KIF3A: variants seen among roughly 807,000 people sequenced by gnomAD.
The protein encoded by KIF3A is kinesin-like protein KIF3A.
A neutral mutation model predicts 92.6 loss-of-function variants in KIF3A; 27 were observed. The ratio of observed to expected loss-of-function variants is 0.29; its 90% CI spans 0.21 to 0.40. The LOEUF (loss-of-function observed/expected upper bound fraction) is 0.40. Among genes scored for constraint, KIF3A ranks in the 10% least tolerant of loss-of-function variants. The pLI is 1.00. For missense variants in KIF3A, 581 were observed against 872.6 expected, an observed-to-expected ratio of 0.67 and a Z score of 4.21; for synonymous variants, 250 against 275.4, an observed-to-expected ratio of 0.91 and a Z score of 0.92.
chr5:132,722,876 T>C (rs1328754688), intron 4 of KIF3A, among the ~76,000 whole-genome samples: 5 of 152,218 alleles, frequency 3.3e-5, no homozygotes, highest in Non-Finnish European at 4.4e-5. Flanking sequence ...TTGATGATTC[T>C]ATATGCCTCT....
intron 4 of KIF3A, chr5:132,722,982 A>G (rs1753875409): frequency 6.6e-6 from 1 of 152,184 alleles, no homozygotes; most frequent in Non-Finnish European, 1.5e-5. Context: ...TTTATATTAC[A>G]GTAGGGTAGT....
Position 132,696,589 on chromosome 5 carries a change from A to G in KIF3A, c.*45T>C. On this transcript the variant is annotated 3_prime_UTR_variant, in exon 19 of 19. Coordinates refer to ENST00000403231, the MANE Select transcript of KIF3A (RefSeq NM_001300791.2). ...TTTTAATTAAAGATTTTGTCCAGGC[A>G]TGAGAATATCACTAATTTTTATTGT... 8.3e-7 allele frequency: 1 copy of G among 1,198,312 alleles called. No homozygotes were observed. Among genetic ancestry groups the G allele is most frequent in the Non-Finnish European group, 1.2e-6 (1 of 808,048 alleles). The allele number at this position is 1,198,312 out of a possible 1,614,324, so 74.2% of individuals were successfully genotyped here.
At chr5:132,721,798 G>T (rs1163195037) in intron 4 of KIF3A, among the ~76,000 whole-genome samples, 3 of 152,110 alleles carry the variant, frequency 2.0e-5, no homozygotes, top group Admixed American at 2.0e-4. Flanking sequence ...GGTCCATGGT[G>T]GCACTGAGGC....
chr5:132,718,869 T>C lies in KIF3A; in HGVS notation c.616+1740A>G, dbSNP rs746494194. Among the ~76,000 whole-genome samples, 4 of 152,160 alleles carry C rather than the reference T, an allele frequency of 2.6e-5. No individual in the cohort carries two copies. The South Asian group carries it at 8.3e-4, about 31-fold the overall frequency. On this transcript the variant is annotated intron_variant, in intron 5 of 18. Coordinates refer to ENST00000403231, the MANE Select transcript of KIF3A (RefSeq NM_001300791.2). The stretch of plus-strand genomic sequence containing the variant: ...GTCTCTAACTCCTGAGTTCAGGAAA[T>C]CTGCCCACCTTGGCCTCCCAGAGTG...
chr5:132,703,243 C>T (rs541263697), intron 12 of KIF3A, among the ~76,000 whole-genome samples, 178 bp from the exon 13 acceptor site: 2 of 152,214 alleles, frequency 1.3e-5, no homozygotes, highest in Admixed American at 6.5e-5. Flanking sequence ...ATAACTCATT[C>T]TAATTCATTG....
At chr5:132,712,511 A>C (rs1175923595) in intron 8 of KIF3A, among the ~76,000 whole-genome samples, 2 of 152,252 alleles carry the variant, frequency 1.3e-5, no homozygotes, top group African/African-American at 4.8e-5. Context: ...CCTAAACACT[A>C]AACAAGGAAG....
At chr5:132,736,815 T>C (rs1486828523) in intron 1 of KIF3A, 1 of 446,548 alleles carries the variant, frequency 2.2e-6, no homozygotes, top group African/African-American at 2.1e-5. Context: ...TAAGGGGTCT[T>C]AGAAGGCCCC....
intron 4 of KIF3A, among the ~76,000 whole-genome samples, chr5:132,722,360 GACAA>G (rs1444037931): frequency 1.3e-5 from 2 of 152,152 alleles, no homozygotes; most frequent in African/African-American, 4.8e-5. Context: ...CAATATCTAT[GACAA>G]ACACAGTTTA....
At position 132,734,443 on chromosome 5, in the gene KIF3A, A is replaced by G. The variant is rs764279606; in HGVS notation, c.42T>C (p.Asn14=). ...NKSEKPESCD[N]VKVVVRCRPL... is the part of the protein sequence containing the mutation. ...GCCGGCACCTAACAACAACCTTCACATTATCGCAGCTTTCTGGCTTCTCTG... is the reference window on the plus strand; with the variant it reads ...GCCGGCACCTAACAACAACCTTCACGTTATCGCAGCTTTCTGGCTTCTCTG... Residue 14 remains asparagine, a synonymous_variant, in exon 2 of 19, where the codon AAT becomes AAC. Transcript: ENST00000403231. The G allele has an allele frequency of 3.7e-6, 6 of 1,613,588 alleles. No individual in the cohort carries two copies. The highest frequency in any genetic ancestry group is 1.7e-4 in the Middle Eastern group (1 of 6,060).
chr5:132,732,018 T>C (rs1047033807), intron 2 of KIF3A, among the ~76,000 whole-genome samples: 1 of 152,124 alleles, frequency 6.6e-6, no homozygotes, highest in African/African-American at 2.4e-5. Context: ...AACATATTCT[T>C]ACAAGTAGAA....
intron 6 of KIF3A, 105 bp from the exon 7 acceptor site, chr5:132,716,547 G>T: frequency 1.1e-6 from 1 of 914,022 alleles, no homozygotes. Context: ...AACCTGATAT[G>T]ATGCCTGAAT....
intron 11 of KIF3A, 68 bp from the exon 12 acceptor site, chr5:132,703,687 T>C (rs1753120378): frequency 1.7e-6 from 2 of 1,148,542 alleles, no homozygotes; most frequent in Admixed American, 2.5e-5. Context: ...ATAAATTACC[T>C]CCTTCAATAT....
At chr5:132,729,792 G>T (rs890056883) in intron 2 of KIF3A, among the ~76,000 whole-genome samples, 2 of 151,032 alleles carry the variant, frequency 1.3e-5, no homozygotes, top group Admixed American at 6.6e-5. Flanking sequence ...TATTAGAAAG[G>T]AAAAAAGGTC....
chr5:132,724,811 A>AAT (rs1250970350), intron 4 of KIF3A, among the ~76,000 whole-genome samples: 716 of 11,172 alleles, frequency 0.064, 77 homozygotes, highest in African/African-American at 0.13. Context: ...AAAAAAATAT[A>AAT]TATATATATA....
intron 4 of KIF3A, chr5:132,723,223 C>T (rs1048376137): frequency 2.0e-5 from 3 of 152,110 alleles, no homozygotes; most frequent in Non-Finnish European, 4.4e-5. Flanking sequence ...GGCCATACTG[C>T]CCAAGGTAAT....
At chr5:132,702,826 A>G in intron 13 of KIF3A, 59 bp downstream of exon 13, 5 of 1,511,858 alleles carry the variant, frequency 3.3e-6, no homozygotes. Flanking sequence ...TTAGCTTTCC[A>G]CTAGAAAAGT....
In KIF3A at chr5:132,715,803, A is replaced by C. The variant is rs767736887; in HGVS notation, c.1083T>G (p.Arg361=). 5 of 1,610,690 alleles carry C rather than the reference A, an allele frequency of 3.1e-6. No homozygotes were observed. Among genetic ancestry groups the C allele is most frequent in the Non-Finnish European group, 4.2e-6 (5 of 1,179,130 alleles). ...GTTCTTCTATTTCTTTCTGGAACTG[A>C]CGCAGCAAAGCATCCTTTGGATCTT... The part of the protein sequence containing the change: ...INEDPKDALL[R]QFQKEIEELK... The change falls in exon 8 of 19, where the codon CGT becomes CGG. Residue 361 remains arginine, a synonymous_variant. Coordinates refer to ENST00000403231, the MANE Select transcript of KIF3A (RefSeq NM_001300791.2).
chr5:132,732,075 G>C (rs1348270499), intron 2 of KIF3A, among the ~76,000 whole-genome samples: 2 of 152,096 alleles, frequency 1.3e-5, no homozygotes, highest in Non-Finnish European at 2.9e-5. Flanking sequence ...AAAACTACTA[G>C]AATTAATAAG....
intron 2 of KIF3A, among the ~76,000 whole-genome samples, chr5:132,733,164 T>C (rs114555740): frequency 0.016 from 2,377 of 152,224 alleles, 65 homozygotes; most frequent in African/African-American, 0.054. Flanking sequence ...GGGTTTCTTT[T>C]TGGAGTGATA....
Sources: gnomAD v4.1 joint callset for allele counts (sites outside exome capture counted in the v4.1 genomes callset) on GRCh38, gnomAD v4.1.1 for gene constraint, MANE v1.5 for transcripts, NCBI Gene and HGNC (gene_info 2026-07-23, HGNC 2026-07-21) for gene names.